The following IL7 variants were observed in gnomAD, a reference collection of about 807,000 sequenced individuals.
IL7 encodes the protein interleukin-7.
IL7 carries 3 observed loss-of-function variants against 21.6 expected under a neutral mutation model. The observed-to-expected ratio is 0.14, with a 90% CI of 0.06 to 0.36. The LOEUF is 0.36. Ranked by LOEUF, IL7 falls within the 10% of genes least tolerant of loss-of-function variation. IL7 has a pLI of 1.00. For synonymous variants in IL7, 62 were observed against 68.1 expected (o/e 0.91, Z 0.44); for missense variants, 175 against 200.2 (o/e 0.87, Z 0.76).
At chr8:78,719,689 C>T (rs1811202938) in intron 5 of IL7, 1 of 151,464 alleles carries the variant, frequency 6.6e-6, no homozygotes, top group Non-Finnish European at 1.5e-5. Context: ...ATTTCTTGTC[C>T]ACTATTTGTT....
chr8:78,767,750 G>A (rs1812803836), intron 2 of IL7, among the ~76,000 whole-genome samples: 1 of 151,870 alleles, frequency 6.6e-6, no homozygotes, highest in Non-Finnish European at 1.5e-5. Flanking sequence ...TTAATATCTT[G>A]TTCAAATGGA....
intron 3 of IL7, among the ~76,000 whole-genome samples, chr8:78,705,467 G>A (rs1489818201): frequency 1.3e-5 from 2 of 152,312 alleles, no homozygotes; most frequent in African/African-American, 4.8e-5. Flanking sequence ...CTTCATTTTA[G>A]GGATGCCTCA....
intron 1 of IL7, among the ~76,000 whole-genome samples, chr8:78,801,938 T>A (rs1308679407): frequency 7.2e-5 from 11 of 152,076 alleles, no homozygotes. Context: ...GGTTTGAGAG[T>A]GCTTTTGGCA....
chr8:78,717,387 A>G (rs1054251539), downstream of IL7: 42 of 1,613,776 alleles, frequency 2.6e-5, no homozygotes, highest in Non-Finnish European at 3.6e-5. Context: ...ATTGAAGGAC[A>G]TTCACCTGGA....
rs1811452455 is a variant in IL7 at position 78,732,837 on chromosome 8, T to A, written c.*876A>T. 6.6e-6 allele frequency: 1 copy of A among 152,148 alleles called. No homozygotes were observed. The allele number at this position is 152,148 out of a possible 1,614,324, so 9.4% of individuals were successfully genotyped here. On this transcript the variant is annotated 3_prime_UTR_variant, in exon 6 of 6. Transcript: ENST00000263851. ...TTCCAAAGTAAGCAATTTGTAATGCTGTATGAAAATATTTTATATACAGAT... is the reference window on the plus strand; with the variant it reads ...TTCCAAAGTAAGCAATTTGTAATGCAGTATGAAAATATTTTATATACAGAT...
chr8:78,681,901 C>CTTT (rs56181953), intron 4 of IL7, among the ~76,000 whole-genome samples: 105 of 126,450 alleles, frequency 8.3e-4, no homozygotes, highest in African/African-American at 1.0e-3. Context: ...CTTTTTCTTT[C>CTTT]TTTTTTTTTT....
intron 3 of IL7, chr8:78,686,382 T>G: frequency 1.8e-6 from 2 of 1,083,378 alleles, no homozygotes; most frequent in Non-Finnish European, 2.4e-6. Context: ...TTTAAAATGA[T>G]ATGGAATTAT....
intron 2 of IL7, chr8:78,761,959 G>C: frequency 6.2e-7 from 1 of 1,609,966 alleles, no homozygotes; most frequent in Non-Finnish European, 8.5e-7. Flanking sequence ...TCTCTTCAAG[G>C]GTTAGAGGTA....
At chr8:78,771,126 T>G (rs1432563085) in intron 2 of IL7, among the ~76,000 whole-genome samples, 1 of 152,104 alleles carries the variant, frequency 6.6e-6, no homozygotes, top group Non-Finnish European at 1.5e-5. Context: ...TGTCAGAAAG[T>G]GTTTTCCTAG....
At chr8:78,686,506 CAT>C in intron 3 of IL7, 1 of 1,542,546 alleles carries the variant, frequency 6.5e-7, no homozygotes. Context: ...GAGAAGGAAA[CAT>C]GAAGAATTCA....
intron 2 of IL7, among the ~76,000 whole-genome samples, chr8:78,781,980 AG>A (rs1478100761): frequency 6.6e-6 from 1 of 152,094 alleles, no homozygotes; most frequent in African/African-American, 2.4e-5. Context: ...CAAGTTCTGA[AG>A]TGCTTTCCTC....
intron 4 of IL7, among the ~76,000 whole-genome samples, chr8:78,682,000 C>T (rs981596588): frequency 2.6e-5 from 4 of 151,368 alleles, no homozygotes; most frequent in African/African-American, 9.7e-5. Context: ...ACTTTCACCT[C>T]CCAAAATGTG....
chr8:78,738,009 T>C (rs995192771), intron 4 of IL7, among the ~76,000 whole-genome samples: 1 of 152,108 alleles, frequency 6.6e-6, no homozygotes, highest in Admixed American at 6.5e-5. Context: ...TAACCACTAG[T>C]AGAAAAGTAG....
chr8:78,760,025 T>C, intron 2 of IL7: 2 of 693,888 alleles, frequency 2.9e-6, no homozygotes, highest in Non-Finnish European at 2.1e-6. Flanking sequence ...TATCAATGGC[T>C]AATGTATTCA....
intron 2 of IL7, among the ~76,000 whole-genome samples, chr8:78,771,617 T>A (rs1812957256): frequency 6.6e-6 from 1 of 152,100 alleles, no homozygotes; most frequent in African/African-American, 2.4e-5. Flanking sequence ...GTTGAAAGCA[T>A]TCAACTGGGG....
intron 2 of IL7, among the ~76,000 whole-genome samples, chr8:78,747,507 CT>C (rs1812023258): frequency 6.6e-6 from 1 of 151,986 alleles, no homozygotes; most frequent in African/African-American, 2.4e-5. Flanking sequence ...TTTAGGGGGC[CT>C]TTTAAAATGC....
At chr8:78,745,447 C>T (rs936766747) in intron 2 of IL7, among the ~76,000 whole-genome samples, 1 of 152,082 alleles carries the variant, frequency 6.6e-6, no homozygotes, top group African/African-American at 2.4e-5. Flanking sequence ...ATCCAAAGAA[C>T]ATTTGTTTCT....
chr8:78,704,373 G>A (rs1027786409), intron 3 of IL7, among the ~76,000 whole-genome samples: 3 of 144,120 alleles, frequency 2.1e-5, no homozygotes, highest in African/African-American at 5.3e-5. Flanking sequence ...GGGTGACAGA[G>A]TGAGACTCCA....
chr8:78,787,412 A>T (rs1392693815), intron 2 of IL7, among the ~76,000 whole-genome samples: 4 of 152,074 alleles, frequency 2.6e-5, no homozygotes, highest in Admixed American at 2.6e-4. Flanking sequence ...GAGGAAAAAA[A>T]CTCTCACACA....
Sources: allele counts gnomAD v4.1 joint callset (sites outside exome capture counted in the v4.1 genomes callset), GRCh38; gene constraint gnomAD v4.1.1; transcripts MANE v1.5; gene names NCBI Gene and HGNC (gene_info 2026-07-23, HGNC 2026-07-21).